DPP10: variants seen among roughly 807,000 people sequenced by gnomAD.
DPP10 encodes the protein inactive dipeptidyl peptidase 10.
A neutral mutation model predicts 120.9 loss-of-function variants in DPP10; 33 were observed. The observed-to-expected ratio is 0.27, with a 90% CI of 0.21 to 0.37. The LOEUF (loss-of-function observed/expected upper bound fraction) is 0.37, where lower values mean the gene tolerates loss of function less well. Ranked by LOEUF, DPP10 falls within the 10% of genes least tolerant of loss-of-function variation. DPP10 has a pLI of 1.00. For missense variants in DPP10, 816 were observed against 942.8 expected (o/e 0.87, Z 1.76); for synonymous variants, 337 against 326.1 (o/e 1.03, Z -0.36).
intron 1 of DPP10, among the ~76,000 whole-genome samples, chr2:114,728,950 A>T (rs1449254443): frequency 6.6e-6 from 1 of 152,124 alleles, no homozygotes; most frequent in East Asian, 1.9e-4. Flanking sequence ...AAACCAACCC[A>T]CTCACAAGAA....
At chr2:114,921,924 G>T (rs1349919423) in intron 1 of DPP10, among the ~76,000 whole-genome samples, 3 of 152,116 alleles carry the variant, frequency 2.0e-5, no homozygotes, top group Admixed American at 1.3e-4. Flanking sequence ...AACTTTTATT[G>T]ATTATTTTCT....
At chr2:115,360,627 G>A (rs1340881395) in intron 3 of DPP10, among the ~76,000 whole-genome samples, 1 of 152,182 alleles carries the variant, frequency 6.6e-6, no homozygotes, top group Non-Finnish European at 1.5e-5. Context: ...TTTCATTCCT[G>A]GGACTTGGGG....
chr2:115,492,841 A>G (rs77099905), intron 3 of DPP10, among the ~76,000 whole-genome samples: 387 of 152,272 alleles, frequency 2.5e-3, no homozygotes, highest in African/African-American at 8.5e-3. Context: ...AAGGAATTAC[A>G]TGATTAAATA....
chr2:115,508,026 G>A (rs1490286830), intron 4 of DPP10, among the ~76,000 whole-genome samples: 1 of 152,038 alleles, frequency 6.6e-6, no homozygotes, highest in Non-Finnish European at 1.5e-5. Context: ...GTCATTAAAT[G>A]GGTAATTCTA....
At chr2:115,719,408 A>G (rs2092587139) in intron 7 of DPP10, among the ~76,000 whole-genome samples, 1 of 152,216 alleles carries the variant, frequency 6.6e-6, no homozygotes, top group Non-Finnish European at 1.5e-5. Context: ...TTCTATTTCT[A>G]GAATGTCAGG....
At chr2:114,667,712 A>T (rs1029368762) in intron 1 of DPP10, among the ~76,000 whole-genome samples, 2 of 152,172 alleles carry the variant, frequency 1.3e-5, no homozygotes, top group African/African-American at 4.8e-5. Flanking sequence ...AGGGGATAAG[A>T]CTTCAGAAAA....
intron 3 of DPP10, among the ~76,000 whole-genome samples, chr2:115,435,842 T>G (rs2071444530): frequency 6.6e-6 from 1 of 151,990 alleles, no homozygotes; most frequent in African/African-American, 2.4e-5. Flanking sequence ...CATTTAAGTC[T>G]ACAATCCACG....
chr2:115,483,247 T>A (rs2075549689), intron 3 of DPP10, among the ~76,000 whole-genome samples: 1 of 152,116 alleles, frequency 6.6e-6, no homozygotes, highest in Non-Finnish European at 1.5e-5. Flanking sequence ...GTATTTGATA[T>A]TAAAACAACT....
rs1314927462 is a variant in DPP10, at chr2:114,663,666, TATAG to T, written c.60+220830_60+220833del. ...ATATATATATATATATATATATATA[TATAG>T]AGAGAGAGAGAGAGAGAGAGAGAGA... On this transcript the variant is annotated intron_variant, in intron 1 of 25. Coordinates refer to ENST00000410059, the MANE Select transcript of DPP10 (RefSeq NM_020868.6). Among the ~76,000 whole-genome samples the T allele has an allele frequency of 3.9e-4, 36 of 92,604 alleles. 1 individual carries two copies. Among genetic ancestry groups the T allele is most frequent in the East Asian group, 2.7e-3 (9 of 3,342 alleles). The allele number at this position is 92,604 out of a possible 152,430, so 60.8% of individuals were successfully genotyped here.
In DPP10 at chr2:115,575,236, G is replaced by A. The variant is rs190855444; in HGVS notation, c.441+49264G>A. Among the ~76,000 whole-genome samples, 1,230 of 152,204 alleles carry A rather than the reference G, an allele frequency of 8.1e-3. 25 individuals carry two copies. Among genetic ancestry groups the A allele is most frequent in the Non-Finnish European group, 6.5e-3 (441 of 68,008 alleles). Reference sequence around the variant, plus strand: ...CAAACTGTTCATAGTCAGATTTAGAGGAAATCAATAAATAAACTTGCTCAT... The same window carrying A: ...CAAACTGTTCATAGTCAGATTTAGAAGAAATCAATAAATAAACTTGCTCAT... On this transcript the variant is annotated intron_variant, in intron 5 of 25. Coordinates refer to ENST00000410059, the MANE Select transcript of DPP10 (RefSeq NM_020868.6).
rs537607232 is a variant in DPP10 at position 114,888,512 on chromosome 2, C to CAAA, written c.61-420721_61-420719dup. The stretch of plus-strand genomic sequence containing the variant: ...TAAGTTTGGTAATTATATTTAGCGG[C>CAAA]AAAAAAAATGATGATCAAAACACTT... On this transcript the variant is annotated intron_variant, in intron 1 of 25. Coordinates refer to ENST00000410059, the MANE Select transcript of DPP10 (RefSeq NM_020868.6). Among the ~76,000 whole-genome samples the CAAA allele has an allele frequency of 1.2e-3, 183 of 151,502 alleles. 1 individual carries two copies. The highest frequency in any genetic ancestry group is 3.9e-3 in the African/African-American group (160 of 41,344).
chr2:115,226,867 A>G (rs1424538380), intron 1 of DPP10, among the ~76,000 whole-genome samples: 2 of 152,158 alleles, frequency 1.3e-5, no homozygotes, highest in Non-Finnish European at 2.9e-5. Flanking sequence ...TTGTATAACC[A>G]ATTGTAATAA....
intron 21 of DPP10, among the ~76,000 whole-genome samples, chr2:115,818,793 T>G (rs936414329): frequency 6.6e-6 from 1 of 152,194 alleles, no homozygotes; most frequent in Non-Finnish European, 1.5e-5. Context: ...AAGTTCAAAT[T>G]CTTTTTCCCC....
At chr2:115,414,503 T>C (rs1331609619) in intron 3 of DPP10, among the ~76,000 whole-genome samples, 1 of 152,114 alleles carries the variant, frequency 6.6e-6, no homozygotes, top group Non-Finnish European at 1.5e-5. Flanking sequence ...ATCAGAGAAG[T>C]CTATTATGTG....
intron 5 of DPP10, among the ~76,000 whole-genome samples, chr2:115,623,352 G>A (rs1269062195): frequency 1.3e-5 from 2 of 152,224 alleles, no homozygotes; most frequent in African/African-American, 4.8e-5. Context: ...AGGATGTTTA[G>A]TGAGCGATAC....
At chr2:114,991,695 T>A (rs1262429254) in intron 1 of DPP10, among the ~76,000 whole-genome samples, 1 of 152,112 alleles carries the variant, frequency 6.6e-6, no homozygotes, top group Non-Finnish European at 1.5e-5. Context: ...GAATAAATAA[T>A]GCAAATACAA....
intron 1 of DPP10, among the ~76,000 whole-genome samples, chr2:114,729,075 G>A (rs1000415664): frequency 6.6e-6 from 1 of 152,198 alleles, no homozygotes; most frequent in African/African-American, 2.4e-5. Flanking sequence ...AGAGCACAAC[G>A]GCTTTGTATA....
At chr2:115,138,509 C>T (rs1380669562) in intron 1 of DPP10, among the ~76,000 whole-genome samples, 5 of 152,150 alleles carry the variant, frequency 3.3e-5, no homozygotes, top group Non-Finnish European at 7.4e-5. Context: ...AACACATTTA[C>T]AGTTTGCATT....
intron 25 of DPP10, among the ~76,000 whole-genome samples, 185 bp downstream of exon 25, chr2:115,841,008 G>A (rs1195142309): frequency 6.6e-6 from 1 of 150,838 alleles, no homozygotes; most frequent in East Asian, 2.0e-4. Context: ...TGCTTTACAA[G>A]TGAATTGCAT....
Sources: allele counts gnomAD v4.1 joint callset (sites outside exome capture counted in the v4.1 genomes callset), GRCh38; gene constraint gnomAD v4.1.1; transcripts MANE v1.5; gene names NCBI Gene and HGNC (gene_info 2026-07-23, HGNC 2026-07-21).